The following MDN1 variants were observed in gnomAD, a reference collection of about 807,000 sequenced individuals.
The protein encoded by MDN1 is midasin.
A neutral mutation model predicts 669.2 loss-of-function variants in MDN1; 266 were observed. That is an observed-to-expected ratio of 0.40 (90% confidence interval 0.36 to 0.44). The LOEUF (loss-of-function observed/expected upper bound fraction) is 0.44. MDN1 is among the 20% of genes least tolerant of loss of function. The probability of loss-of-function intolerance (pLI) is 1.00; values close to 1 mark genes in which losing one functional copy is unlikely to be tolerated. For synonymous variants in MDN1, 2,385 were observed against 2,457.1 expected, an observed-to-expected ratio of 0.97 and a Z score of 0.87; for missense variants, 5,940 against 6,754.0, an observed-to-expected ratio of 0.88 and a Z score of 4.22.
rs761841127 is a variant in MDN1 at position 89,706,092 on chromosome 6, G to A, written c.8115C>T (p.Ser2705=). 6.2e-7 allele frequency: 1 copy of A among 1,610,268 alleles called. No individual in the cohort carries two copies. Among genetic ancestry groups the A allele is most frequent in the Non-Finnish European group, 8.5e-7 (1 of 1,177,490 alleles). ...DALVLLWVQS[S]QGMVSDASAN... is the part of the protein sequence containing the mutation. Reference sequence around the variant, plus strand: ...CACTGGCATCAGACACCATTCCCTGGGAGGACTGTACCCAGAGCAGGACTA... The same window carrying A: ...CACTGGCATCAGACACCATTCCCTGAGAGGACTGTACCCAGAGCAGGACTA... Residue 2705 remains serine (S), a synonymous_variant, in exon 53 of 102, where the codon TCC becomes TCT. Coordinates refer to ENST00000369393, the MANE Select transcript of MDN1 (RefSeq NM_014611.3).
rs553031162 is a variant in MDN1, at chr6:89,777,753, C to G, written c.1726-1058G>C. On this transcript the variant is annotated intron_variant, in intron 11 of 101. Transcript: ENST00000369393. ...AGCAACTAACTAACCCCACCTGACT[C>G]AGTTACCCCACCCAGAAGTAGACTC... Among the ~76,000 whole-genome samples, 20 of 152,262 alleles carry G rather than the reference C, an allele frequency of 1.3e-4. No individual in the cohort carries two copies. The South Asian group carries it at 2.1e-3, about 16-fold the overall frequency.
Position 89,727,889 on chromosome 6 carries a change from G to T in MDN1, c.5416C>A (p.Arg1806Ser). The change falls in exon 37 of 102, where the codon CGT (arginine) becomes AGT (serine). Residue 1806 changes from arginine (R) to serine (S), a missense_variant. Around this residue, in one of 5 missense-constraint regions of MDN1, gnomAD observed 2,292 missense variants for 2,638.3 expected, o/e 0.87. Coordinates refer to ENST00000369393, the MANE Select transcript of MDN1 (RefSeq NM_014611.3). ...AAAGCTGCCAGTAAGGGGCCATCAC[G>T]CCAGGCAAACTCTCCTCCCTTGCCA... ...EGGKGGEFAW[R>S]DGPLLAALKA... is the part of the protein sequence containing the mutation. 2 of 1,613,944 alleles carry T rather than the reference G, an allele frequency of 1.2e-6. No homozygotes were observed. The highest frequency in any genetic ancestry group is 1.7e-6 in the Non-Finnish European group (2 of 1,179,938).
At chr6:89,670,317 G>A (rs1356610260) in intron 83 of MDN1, among the ~76,000 whole-genome samples, 2 of 150,346 alleles carry the variant, frequency 1.3e-5, no homozygotes, top group Non-Finnish European at 3.0e-5. Context: ...TGGGATTACA[G>A]GCACATGCCA....
At chr6:89,694,717 T>G (rs1306161285) in intron 61 of MDN1, among the ~76,000 whole-genome samples, 1 of 151,568 alleles carries the variant, frequency 6.6e-6, no homozygotes, top group Non-Finnish European at 1.5e-5. Context: ...CTTTTTTTTT[T>G]TTTCCTTTTT....
intron 92 of MDN1, among the ~76,000 whole-genome samples, chr6:89,655,455 T>C (rs1343603920): frequency 1.3e-5 from 2 of 152,234 alleles, no homozygotes; most frequent in African/African-American, 4.8e-5. Context: ...TTTAAGGATA[T>C]TTAAAGAGTT....
intron 21 of MDN1, 25 bp downstream of exon 21, chr6:89,754,057 TC>T: frequency 6.2e-7 from 1 of 1,607,934 alleles, no homozygotes; most frequent in Admixed American, 1.7e-5. Context: ...TAAGCTCATA[TC>T]CAGTCAAAGA....
chr6:89,702,494 C>T (rs1056593349), intron 53 of MDN1, among the ~76,000 whole-genome samples: 3 of 152,180 alleles, frequency 2.0e-5, no homozygotes, highest in Non-Finnish European at 4.4e-5. Context: ...TAATTCTATT[C>T]TGGTGGATGG....
At chr6:89,773,129 T>C (rs1818189319) in intron 13 of MDN1, among the ~76,000 whole-genome samples, 1 of 152,216 alleles carries the variant, frequency 6.6e-6, no homozygotes, top group Non-Finnish European at 1.5e-5. Flanking sequence ...TGTGACCTTA[T>C]TTCAAAATAG....
At chr6:89,714,829 T>A in intron 45 of MDN1, 78 bp from the exon 46 acceptor site, 2 of 1,184,074 alleles carry the variant, frequency 1.7e-6, no homozygotes, top group South Asian at 3.0e-5. Context: ...CATCAGTCAG[T>A]GAGGGCAAAT....
intron 17 of MDN1, among the ~76,000 whole-genome samples, chr6:89,759,699 G>A (rs1817436056): frequency 6.6e-6 from 1 of 151,768 alleles, no homozygotes. Flanking sequence ...GGGAGGCGGA[G>A]GTTGCAGTGA....
intron 65 of MDN1, 39 bp downstream of exon 65, chr6:89,689,831 T>G (rs769934923): frequency 1.3e-6 from 2 of 1,593,820 alleles, no homozygotes; most frequent in Non-Finnish European, 1.7e-6. Context: ...TGCATTTGCT[T>G]TCATTTCCCA....
At chr6:89,782,432 C>T (rs1230742333) in intron 9 of MDN1, among the ~76,000 whole-genome samples, 1 of 151,782 alleles carries the variant, frequency 6.6e-6, no homozygotes. Flanking sequence ...CCTGTCTCTA[C>T]AAAACATTTG....
At chr6:89,740,910 A>G (rs184956898) in intron 31 of MDN1, among the ~76,000 whole-genome samples, 29 of 152,340 alleles carry the variant, frequency 1.9e-4, no homozygotes, top group Admixed American at 1.8e-3. Flanking sequence ...CACACAAAGG[A>G]TTCTATTGAA....
At chr6:89,797,760 C>T in intron 2 of MDN1, 2 of 373,598 alleles carry the variant, frequency 5.4e-6, no homozygotes, top group South Asian at 4.3e-5. Flanking sequence ...AGCATCAATA[C>T]CAGGTCTAAG....
At chr6:89,758,194 C>A in intron 19 of MDN1, 61 bp downstream of exon 19, 1 of 1,383,446 alleles carries the variant, frequency 7.2e-7, no homozygotes, top group Non-Finnish European at 1.0e-6. Flanking sequence ...GCACTCCAAC[C>A]TGGGCAACAG....
chr6:89,728,942 A>G lies in MDN1; in HGVS notation c.5338T>C (p.Ser1780Pro). Residue 1780 changes from serine (S) to proline (P), a missense_variant, in exon 36 of 102, where the codon TCA becomes CCA. Transcript: ENST00000369393. ...SGNTLVRINL[S>P]EQTDITDLFG... Reference sequence around the variant, plus strand: ...ATGACCGAGCTTACCGTTTGCTCTGATAAGTTGATTCTAACAAGGGTATTT... The same window carrying G: ...ATGACCGAGCTTACCGTTTGCTCTGGTAAGTTGATTCTAACAAGGGTATTT... The G allele has an allele frequency of 6.2e-7, 1 of 1,613,956 alleles. No homozygotes were observed. The highest frequency in any genetic ancestry group is 8.5e-7 in the Non-Finnish European group (1 of 1,179,944).
chr6:89,691,598 G>A lies in MDN1; in HGVS notation c.10588-764C>T, dbSNP rs575204022. 6.5e-4 allele frequency among the ~76,000 whole-genome samples: 99 copies of A among 152,066 alleles called. No homozygotes were observed. In the Middle Eastern group the frequency reaches 0.024, roughly 37 times the overall value. On this transcript the variant is annotated intron_variant, in intron 63 of 101. Transcript: ENST00000369393. ...GTATATACAAATGTAAATGTTCAATGATAAGAAAATAGTTAAATTACTTGT... is the reference window on the plus strand; with the variant it reads ...GTATATACAAATGTAAATGTTCAATAATAAGAAAATAGTTAAATTACTTGT...
chr6:89,652,314 C>T (rs758900636), intron 94 of MDN1, 33 bp from the exon 95 acceptor site: 1 of 1,588,310 alleles, frequency 6.3e-7, no homozygotes, highest in South Asian at 1.1e-5. Context: ...AAGAGGTGGC[C>T]CAGGTTGGAA....
Position 89,793,825 on chromosome 6 carries a change from G to A in MDN1, c.792C>T (p.Ser264=), listed in dbSNP as rs1450826559. 3 of 1,613,996 alleles carry A rather than the reference G, an allele frequency of 1.9e-6. No homozygotes were observed. The highest frequency in any genetic ancestry group is 2.5e-6 in the Non-Finnish European group (3 of 1,180,036). Residue 264 remains serine (S), a synonymous_variant, in exon 5 of 102, where the codon TCC becomes TCT. Transcript: ENST00000369393. ...CACCACAAACAGCTGTCACCCTAGG[G>A]GAGAGGTCAGACGAAACAAGATGTC... is the stretch of plus-strand genomic sequence containing the variant. ...LQGHLVSSDL[S]PRVTAVCGVV...
Sources: gnomAD v4.1 joint callset for allele counts (sites outside exome capture counted in the v4.1 genomes callset) on GRCh38, gnomAD v4.1.1 for gene constraint, gnomAD v4.1.1 regional missense constraint, MANE v1.5 for transcripts, NCBI Gene and HGNC (gene_info 2026-07-23, HGNC 2026-07-21) for gene names.